Variants in LRMDA observed in about 807,000 individuals in gnomAD.
The protein encoded by LRMDA is leucine-rich melanocyte differentiation-associated protein.
In LRMDA, 18 loss-of-function variants were observed where a neutral mutation model predicts 29.8. The observed-to-expected ratio is 0.60, with a 90% CI of 0.42 to 0.90. LRMDA has a LOEUF of 0.90. Ranked by LOEUF, LRMDA falls within the 40% of genes least tolerant of loss-of-function variation. The pLI is 0.00. For synonymous variants in LRMDA, 125 were observed against 109.4 expected, an observed-to-expected ratio of 1.14 and a Z score of -0.89; for missense variants, 273 against 273.9, an observed-to-expected ratio of 1.00 and a Z score of 0.02.
intron 5 of LRMDA, among the ~76,000 whole-genome samples, chr10:76,276,684 A>G (rs1180503728): frequency 1.3e-5 from 2 of 152,172 alleles, no homozygotes; most frequent in African/African-American, 2.4e-5. Flanking sequence ...ACTTATTTGT[A>G]TATTTAGTAA....
At chr10:75,926,229 G>T (rs1473329032) in intron 2 of LRMDA, among the ~76,000 whole-genome samples, 1 of 152,096 alleles carries the variant, frequency 6.6e-6, no homozygotes, top group South Asian at 2.1e-4. Flanking sequence ...TGGAAAGCAG[G>T]TTGAGCCACC....
At chr10:75,441,258 T>G (rs756562976) in intron 2 of LRMDA, among the ~76,000 whole-genome samples, 2 of 152,148 alleles carry the variant, frequency 1.3e-5, no homozygotes, top group Non-Finnish European at 2.9e-5. Flanking sequence ...TGCCCCTCAC[T>G]ATATCCGTGG....
At chr10:76,406,234 A>T (rs1841900251) in intron 6 of LRMDA, among the ~76,000 whole-genome samples, 1 of 152,206 alleles carries the variant, frequency 6.6e-6, no homozygotes, top group Admixed American at 6.5e-5. Context: ...AGGGAACATC[A>T]TGGCATTTAT....
chr10:76,438,958 G>A (rs1842273040), intron 6 of LRMDA, among the ~76,000 whole-genome samples: 1 of 152,144 alleles, frequency 6.6e-6, no homozygotes, highest in African/African-American at 2.4e-5. Context: ...CCTGCCATAT[G>A]TACATACACT....
chr10:76,502,424 A>G (rs2579759), intron 6 of LRMDA, among the ~76,000 whole-genome samples: 100,933 of 151,752 alleles, frequency 0.67, 35,657 homozygotes, highest in Non-Finnish European at 0.81. Context: ...GATAGAAGTA[A>G]CCTTGAATCT....
At chr10:75,498,415 G>A (rs1343206110) in intron 2 of LRMDA, among the ~76,000 whole-genome samples, 3 of 152,196 alleles carry the variant, frequency 2.0e-5, no homozygotes, top group Non-Finnish European at 4.4e-5. Context: ...TGTATTCTGG[G>A]AGCTGGGAGC....
At chr10:76,332,057 C>T (rs758644866) in intron 6 of LRMDA, among the ~76,000 whole-genome samples, 4 of 152,220 alleles carry the variant, frequency 2.6e-5, no homozygotes, top group Non-Finnish European at 5.9e-5. Flanking sequence ...CGGTCTGGGT[C>T]ATCAAATTCA....
chr10:76,157,325 C>T (rs1162508459), intron 5 of LRMDA, among the ~76,000 whole-genome samples: 3 of 152,122 alleles, frequency 2.0e-5, no homozygotes, highest in African/African-American at 7.2e-5. Context: ...CTTTTAATAG[C>T]TTAGAACTGG....
chr10:76,170,323 A>G (rs12570567), intron 5 of LRMDA, among the ~76,000 whole-genome samples: 24,710 of 152,222 alleles, frequency 0.16, 2,755 homozygotes, highest in East Asian at 0.52. Flanking sequence ...AGATATAACC[A>G]TAGGTATATG....
intron 2 of LRMDA, among the ~76,000 whole-genome samples, chr10:75,920,550 C>A (rs763699326): frequency 2.6e-5 from 4 of 152,300 alleles, no homozygotes; most frequent in Admixed American, 6.5e-5. Context: ...ATCCAGCCCT[C>A]TCTATGCGCT....
chr10:76,178,825 A>G (rs939856368), intron 5 of LRMDA, among the ~76,000 whole-genome samples: 21 of 152,342 alleles, frequency 1.4e-4, no homozygotes, highest in African/African-American at 5.1e-4. Context: ...CTCATCTTTG[A>G]GAAATACCCA....
chr10:75,600,747 T>A (rs1840873973), intron 2 of LRMDA, among the ~76,000 whole-genome samples: 1 of 152,166 alleles, frequency 6.6e-6, no homozygotes. Flanking sequence ...CCCATGAGAT[T>A]TATCAAATAA....
intron 2 of LRMDA, among the ~76,000 whole-genome samples, chr10:75,623,418 G>T (rs1274610785): frequency 6.6e-6 from 1 of 152,138 alleles, no homozygotes; most frequent in African/African-American, 2.4e-5. Flanking sequence ...TTAAAGCCAA[G>T]AATTTTTCCT....
At position 75,831,521 on chromosome 10, in the gene LRMDA, A is replaced by C. The variant is rs371387482; in HGVS notation, c.132-204487A>C. On this transcript the variant is annotated intron_variant, in intron 2 of 6. Transcript: ENST00000611255. ...TCATGGGATGGCATCGAGTGTCTGC[A>C]GCTTTTCCAGGTGCATGGTACAAAC... Among the ~76,000 whole-genome samples the C allele has an allele frequency of 4.6e-5, 7 of 152,140 alleles. No homozygotes were observed. In the East Asian group the frequency reaches 1.4e-3, roughly 29 times the overall value.
chr10:75,455,826 T>C (rs1414478389), intron 2 of LRMDA, among the ~76,000 whole-genome samples: 1 of 152,074 alleles, frequency 6.6e-6, no homozygotes, highest in Non-Finnish European at 1.5e-5. Context: ...AGCCACCTCC[T>C]GGAGGGAGGG....
At chr10:76,445,434 T>C (rs1010108872) in intron 6 of LRMDA, among the ~76,000 whole-genome samples, 1 of 152,122 alleles carries the variant, frequency 6.6e-6, no homozygotes, top group Non-Finnish European at 1.5e-5. Context: ...CAGAGGTCTG[T>C]TTGCTTCTGA....
chr10:76,117,864 A>G (rs1849693634), intron 5 of LRMDA, among the ~76,000 whole-genome samples: 1 of 152,204 alleles, frequency 6.6e-6, no homozygotes, highest in African/African-American at 2.4e-5. Context: ...TTTAGTACAG[A>G]GTTCATTGGT....
chr10:76,267,274 A>T (rs1840018319), intron 5 of LRMDA, among the ~76,000 whole-genome samples: 1 of 152,154 alleles, frequency 6.6e-6, no homozygotes, highest in South Asian at 2.1e-4. Flanking sequence ...CAAATTATAT[A>T]ATTCAACAAT....
intron 2 of LRMDA, among the ~76,000 whole-genome samples, chr10:75,909,159 T>C (rs11001543): frequency 0.033 from 5,062 of 152,310 alleles, 260 homozygotes; most frequent in African/African-American, 0.11. Context: ...AAGGGAGCTA[T>C]ACAAGTGAAA....
Sources: allele counts gnomAD v4.1 joint callset (sites outside exome capture counted in the v4.1 genomes callset), GRCh38; gene constraint gnomAD v4.1.1; transcripts MANE v1.5; gene names NCBI Gene and HGNC (gene_info 2026-07-23, HGNC 2026-07-21).